KALRN: variants seen among roughly 807,000 people sequenced by gnomAD.
KALRN encodes the protein kalirin.
Under a neutral mutation model 353.7 loss-of-function variants are expected in KALRN, and 70 were observed. That is an observed-to-expected ratio of 0.20 (90% CI 0.16 to 0.24). KALRN has a LOEUF of 0.24. Among genes scored for constraint, KALRN ranks in the 10% least tolerant of loss-of-function variants. The pLI is 1.00. For missense variants in KALRN, 2,791 were observed against 3,756.7 expected (o/e 0.74, Z 6.72); for synonymous variants, 1,391 against 1,434.8 (o/e 0.97, Z 0.69).
At chr3:124,328,559 G>T (rs910109500) in intron 7 of KALRN, among the ~76,000 whole-genome samples, 6 of 152,158 alleles carry the variant, frequency 3.9e-5, no homozygotes, top group African/African-American at 1.4e-4. Flanking sequence ...AAGCTTCTGA[G>T]ATCTTAGCAT....
At chr3:124,678,402 A>T (rs1045051397) in intron 50 of KALRN, 89 bp downstream of exon 50, 88 of 1,191,382 alleles carry the variant, frequency 7.4e-5, no homozygotes, top group South Asian at 2.8e-4. Flanking sequence ...TGGATGGGTT[A>T]TTTTTTTTTT....
At chr3:124,552,729 A>G (rs1025736437) in intron 33 of KALRN, among the ~76,000 whole-genome samples, 12 of 152,150 alleles carry the variant, frequency 7.9e-5, no homozygotes, top group African/African-American at 2.9e-4. Flanking sequence ...TTATCTCAAG[A>G]TATGTCATTA....
intron 10 of KALRN, among the ~76,000 whole-genome samples, chr3:124,353,641 G>T (rs557724263): frequency 1.3e-5 from 2 of 152,102 alleles, no homozygotes; most frequent in East Asian, 3.9e-4. Flanking sequence ...TCTTGCCAGA[G>T]ATGATGACCA....
At chr3:124,489,494 C>A (rs2062914033) in intron 29 of KALRN, among the ~76,000 whole-genome samples, 1 of 152,184 alleles carries the variant, frequency 6.6e-6, no homozygotes, top group African/African-American at 2.4e-5. Flanking sequence ...CCCAGACCAT[C>A]CTTAGCACCA....
chr3:124,301,349 T>A (rs192220531), intron 6 of KALRN, among the ~76,000 whole-genome samples: 7 of 152,344 alleles, frequency 4.6e-5, no homozygotes, highest in Admixed American at 4.6e-4. Context: ...AAGTATCTTC[T>A]GGAACTGGAG....
chr3:124,347,375 G>GTGTGTGTGTGTT, intron 10 of KALRN, 110 bp downstream of exon 10: 1 of 1,208,134 alleles, frequency 8.3e-7, no homozygotes, highest in Non-Finnish European at 1.1e-6. Context: ...GAGAAGCTGT[G>GTGTGTGTGTGTT]TGTGTGTGTG....
intron 33 of KALRN, among the ~76,000 whole-genome samples, chr3:124,553,288 G>A (rs1163784352): frequency 6.6e-6 from 1 of 152,214 alleles, no homozygotes; most frequent in East Asian, 1.9e-4. Flanking sequence ...GCCAAAGAGA[G>A]ACTAATTAAC....
chr3:124,074,166 T>A (rs1169624776), intron 1 of KALRN, among the ~76,000 whole-genome samples: 1 of 152,092 alleles, frequency 6.6e-6, no homozygotes, highest in Non-Finnish European at 1.5e-5. Context: ...TACAGTCAGC[T>A]CCCTGCTATA....
intron 1 of KALRN, among the ~76,000 whole-genome samples, chr3:124,178,577 C>T (rs1274409362): frequency 6.6e-6 from 1 of 152,074 alleles, no homozygotes; most frequent in African/African-American, 2.4e-5. Flanking sequence ...AATCGTAACA[C>T]AATGATAAAT....
rs544260090 is a variant in KALRN at position 124,206,942 on chromosome 3, C to T, written c.74-21048C>T. On this transcript the variant is annotated intron_variant, in intron 1 of 59. Coordinates refer to ENST00000682506, the MANE Select transcript of KALRN (RefSeq NM_001388419.1). Reference sequence around the variant, plus strand: ...CATGAAGAAGACTGATTTCCCACCTCAGAACATTGGCGTTGGCACTTTCCA... The same window carrying T: ...CATGAAGAAGACTGATTTCCCACCTTAGAACATTGGCGTTGGCACTTTCCA... 1.2e-3 allele frequency among the ~76,000 whole-genome samples: 183 copies of T among 152,306 alleles called. 1 individual carries two copies. The highest frequency in any genetic ancestry group is 4.2e-3 in the African/African-American group (173 of 41,558).
chr3:124,719,244 G>C lies in KALRN; in HGVS notation c.8735G>C (p.Arg2912Thr), dbSNP rs1456325978. The C allele has an allele frequency of 6.2e-7, 1 of 1,614,238 alleles. No individual in the cohort carries two copies. Among genetic ancestry groups the C allele is most frequent in the South Asian group, 1.1e-5 (1 of 91,088 alleles). Residue 2912 changes from arginine (R) to threonine (T), a missense_variant, in exon 60 of 60, where the codon AGA becomes ACA. Arg to Thr is a moderately conservative substitution (Grantham distance 71). Coordinates refer to ENST00000682506, the MANE Select transcript of KALRN (RefSeq NM_001388419.1). This position sits in a 1 kb window ranked among gnomAD's most constrained non-coding sequence, Gnocchi z 5.3. ...TTCTGTGGTGTGAGCAATGCTGCCA[G>C]AGATTTCATCAATGTGATCTTACAG... ...EYFCGVSNAA[R>T]DFINVILQED...
intron 1 of KALRN, among the ~76,000 whole-genome samples, chr3:124,179,741 C>G (rs1234671035): frequency 6.6e-6 from 1 of 152,198 alleles, no homozygotes; most frequent in Admixed American, 6.5e-5. Context: ...CCATCATAAT[C>G]TTATGGGACC....
At chr3:124,473,441 C>T (rs2061137670) in intron 25 of KALRN, among the ~76,000 whole-genome samples, 1 of 152,210 alleles carries the variant, frequency 6.6e-6, no homozygotes, top group Non-Finnish European at 1.5e-5. Flanking sequence ...CCTTCACCTG[C>T]TTCCCTGTGG....
At chr3:124,422,084 T>C (rs2092808196) in intron 14 of KALRN, among the ~76,000 whole-genome samples, 1 of 152,192 alleles carries the variant, frequency 6.6e-6, no homozygotes, top group Admixed American at 6.5e-5. Context: ...TCTCCTTGAG[T>C]GGGCACAACT....
intron 1 of KALRN, among the ~76,000 whole-genome samples, chr3:124,042,433 G>C (rs2040047344): frequency 6.6e-6 from 1 of 152,174 alleles, no homozygotes; most frequent in Non-Finnish European, 1.5e-5. Flanking sequence ...ATTGGAGTAG[G>C]GGAGGGACTG....
intron 1 of KALRN, among the ~76,000 whole-genome samples, chr3:124,047,339 C>T (rs2040575634): frequency 6.6e-6 from 1 of 151,986 alleles, no homozygotes; most frequent in African/African-American, 2.4e-5. Context: ...AAAATAATGG[C>T]TAATTAGAGA....
At chr3:124,075,037 C>T (rs1443680806) in intron 1 of KALRN, among the ~76,000 whole-genome samples, 1 of 152,162 alleles carries the variant, frequency 6.6e-6, no homozygotes, top group African/African-American at 2.4e-5. Context: ...AAGAGCCATA[C>T]TGTCTTTTTC....
At chr3:124,232,504 G>C (rs559111847) in intron 2 of KALRN, among the ~76,000 whole-genome samples, 5 of 152,124 alleles carry the variant, frequency 3.3e-5, no homozygotes, top group African/African-American at 4.8e-5. Flanking sequence ...AGAGAGGGGG[G>C]CAGCCCCATC....
chr3:124,293,851 G>A (rs1344062031), intron 5 of KALRN, among the ~76,000 whole-genome samples: 2 of 152,188 alleles, frequency 1.3e-5, no homozygotes, highest in African/African-American at 2.4e-5. Context: ...AGTTTAAAAT[G>A]TCCTAGCTGG....
Sources: allele counts gnomAD v4.1 joint callset (sites outside exome capture counted in the v4.1 genomes callset), GRCh38; gene constraint gnomAD v4.1.1; non-coding constraint Gnocchi (gnomAD v3.1); transcripts MANE v1.5; gene names NCBI Gene and HGNC (gene_info 2026-07-23, HGNC 2026-07-21).